EML6: variants seen among roughly 807,000 people sequenced by gnomAD.
The protein encoded by EML6 is echinoderm microtubule-associated protein-like 6.
Under a neutral mutation model 240.1 loss-of-function variants are expected in EML6, and 154 were observed. The observed-to-expected ratio is 0.64, with a 90% CI of 0.56 to 0.73. The LOEUF (loss-of-function observed/expected upper bound fraction) is 0.73, where lower values mean the gene tolerates loss of function less well. EML6 is among the 30% of genes least tolerant of loss of function. The pLI is 0.00. For missense variants in EML6, 2,964 were observed against 2,474.6 expected (o/e 1.20, Z -4.20); for synonymous variants, 1,148 against 899.0 (o/e 1.28, Z -4.95).
intron 4 of EML6, among the ~76,000 whole-genome samples, chr2:54,819,263 C>T (rs747695460): frequency 6.6e-6 from 1 of 152,128 alleles, no homozygotes; most frequent in Non-Finnish European, 1.5e-5. Context: ...GAATGCGTTC[C>T]ATGGATCTAC....
intron 25 of EML6, among the ~76,000 whole-genome samples, chr2:54,915,491 A>T (rs1400191263): frequency 6.6e-6 from 1 of 152,100 alleles, no homozygotes; most frequent in Non-Finnish European, 1.5e-5. Context: ...CTCCAATTCT[A>T]AAACTGAGGT....
intron 28 of EML6, among the ~76,000 whole-genome samples, chr2:54,934,877 A>G (rs957903858): frequency 2.0e-5 from 3 of 152,172 alleles, no homozygotes; most frequent in African/African-American, 7.2e-5. Flanking sequence ...TTACATCTCA[A>G]ACTGATACTT....
chr2:54,892,397 A>G, intron 18 of EML6, 57 bp from the exon 19 acceptor site: 2 of 1,178,120 alleles, frequency 1.7e-6, no homozygotes, highest in Non-Finnish European at 2.4e-6. Flanking sequence ...GTCCTTCTAC[A>G]TGCTTATAGG....
At chr2:54,872,086 T>A (rs1671286579) in intron 16 of EML6, among the ~76,000 whole-genome samples, 1 of 152,226 alleles carries the variant, frequency 6.6e-6, no homozygotes, top group Non-Finnish European at 1.5e-5. Flanking sequence ...ACAACATTGG[T>A]ATTTTGGAAA....
At chr2:54,960,447 A>G (rs538160456) in intron 35 of EML6, 113 bp downstream of exon 35, 1 of 735,988 alleles carries the variant, frequency 1.4e-6, no homozygotes, top group Admixed American at 2.2e-5. Context: ...ACAAGGCCTC[A>G]ATACATGAAT....
intron 31 of EML6, among the ~76,000 whole-genome samples, chr2:54,953,442 A>G (rs1676079186): frequency 6.6e-6 from 1 of 152,144 alleles, no homozygotes; most frequent in Non-Finnish European, 1.5e-5. Flanking sequence ...TTTCCTTCGT[A>G]TAAAATCCTC....
At chr2:54,777,098 G>A (rs1038905112) in intron 2 of EML6, among the ~76,000 whole-genome samples, 1 of 152,106 alleles carries the variant, frequency 6.6e-6, no homozygotes, top group Non-Finnish European at 1.5e-5. Context: ...TGTCCACATC[G>A]CCCTGTGAGG....
chr2:54,862,338 TAAAAAAAAAAAAAAA>T (rs35834327), intron 12 of EML6, among the ~76,000 whole-genome samples: 1 of 37,698 alleles, frequency 2.7e-5, no homozygotes, highest in Non-Finnish European at 4.7e-5. Context: ...ACTCCATCTC[TAAAAAAAAAAAAAAA>T]AAAAAAAAAA....
chr2:54,910,912 G>A (rs1346807477), intron 24 of EML6, 42 bp from the exon 25 acceptor site: 3 of 1,005,382 alleles, frequency 3.0e-6, no homozygotes, highest in South Asian at 3.0e-5. Flanking sequence ...AAGAGATAAA[G>A]TCAGATTTTA....
chr2:54,862,392 A>G (rs960448247), intron 12 of EML6, among the ~76,000 whole-genome samples: 2 of 150,832 alleles, frequency 1.3e-5, no homozygotes, highest in South Asian at 2.1e-4. Context: ...CTGCCACTGA[A>G]CTGAAAAATT....
Position 54,731,986 on chromosome 2 carries a change from T to C in EML6, c.197+6728T>C, listed in dbSNP as rs57412157. Among the ~76,000 whole-genome samples, 1,475 of 152,334 alleles carry C rather than the reference T, an allele frequency of 9.7e-3. 20 individuals carry two copies. The highest frequency in any genetic ancestry group is 0.034 in the African/African-American group (1,399 of 41,580). ...GATTTACTACTGTCTGTCTTTTTTT[T>C]ACTATTGCCAGGCTGCTGGGTGTGA... On this transcript the variant is annotated intron_variant, in intron 2 of 41. Coordinates refer to ENST00000356458, the MANE Select transcript of EML6 (RefSeq NM_001039753.4).
At chr2:54,760,644 A>C (rs925626686) in intron 2 of EML6, among the ~76,000 whole-genome samples, 1 of 152,118 alleles carries the variant, frequency 6.6e-6, no homozygotes, top group Non-Finnish European at 1.5e-5. Flanking sequence ...TGTTTTGCCA[A>C]ATGTAATTTT....
In EML6 at chr2:54,885,375, A is replaced by G. The variant is rs1573068836; in HGVS notation, c.2439-5679A>G. ...GACAGGAGAATCACTTGAACCCGGG[A>G]GGCGGAGGTTGTAGTGAGCCGAGAT... is the stretch of plus-strand genomic sequence containing the variant. On this transcript the variant is annotated intron_variant, in intron 17 of 41. Transcript: ENST00000356458. 3.9e-5 allele frequency among the ~76,000 whole-genome samples: 6 copies of G among 151,906 alleles called. No individual in the cohort carries two copies. The South Asian group carries it at 1.0e-3, about 27-fold the overall frequency.
chr2:54,883,014 C>T (rs1671921457), intron 17 of EML6: 1 of 151,654 alleles, frequency 6.6e-6, no homozygotes, highest in Admixed American at 6.6e-5. Context: ...ATAGAGTCTC[C>T]CGCATACCAT....
intron 2 of EML6, among the ~76,000 whole-genome samples, chr2:54,746,319 G>A (rs1683908927): frequency 6.6e-6 from 1 of 151,858 alleles, no homozygotes; most frequent in Non-Finnish European, 1.5e-5. Flanking sequence ...ACCATCGACT[G>A]TGTCTCTTTT....
rs193272128 is a variant in EML6 at position 54,931,234 on chromosome 2, G to C, written c.4004+2483G>C. Among the ~76,000 whole-genome samples the C allele has an allele frequency of 9.6e-3, 1,466 of 152,282 alleles. 20 individuals are homozygous for C. Among genetic ancestry groups the C allele is most frequent in the South Asian group, 0.037 (178 of 4,828 alleles). ...GGCCTCCCAAAGTGCTGGGATTACA[G>C]GCGTGAGCCACCGCGCCCGGCGACC... On this transcript the variant is annotated intron_variant, in intron 28 of 41. Transcript: ENST00000356458.
At chr2:54,882,873 A>AAAAAAAAAAGAG (rs796515025) in intron 17 of EML6, 2 of 112,350 alleles carry the variant, frequency 1.8e-5, no homozygotes, top group African/African-American at 7.0e-5. Context: ...AAAAAAAAAA[A>AAAAAAAAAAGAG]AGAAAGCTTA....
At chr2:54,932,628 A>G (rs953021085) in intron 28 of EML6, among the ~76,000 whole-genome samples, 3 of 152,202 alleles carry the variant, frequency 2.0e-5, no homozygotes, top group Non-Finnish European at 4.4e-5. Context: ...ATATCAGAAA[A>G]GTTCCTTTTG....
intron 2 of EML6, among the ~76,000 whole-genome samples, chr2:54,778,145 G>A (rs6545441): frequency 0.27 from 41,786 of 151,976 alleles, 8,259 homozygotes; most frequent in African/African-American, 0.54. Context: ...ATATGTATCT[G>A]TGAATCTCTA....
Sources: gnomAD v4.1 joint callset for allele counts (sites outside exome capture counted in the v4.1 genomes callset) on GRCh38, gnomAD v4.1.1 for gene constraint, MANE v1.5 for transcripts, NCBI Gene and HGNC (gene_info 2026-07-23, HGNC 2026-07-21) for gene names.